THSD7B: variants seen among roughly 807,000 people sequenced by gnomAD.
THSD7B encodes the protein thrombospondin type 1 domain containing 7B.
In THSD7B, 138 loss-of-function variants were observed where a neutral mutation model predicts 213.6. The ratio of observed to expected loss-of-function variants is 0.65; its 90% confidence interval spans 0.56 to 0.74. The LOEUF (loss-of-function observed/expected upper bound fraction) is 0.74. THSD7B is among the 30% of genes least tolerant of loss of function. The pLI is 0.00. For synonymous variants in THSD7B, 742 were observed against 687.0 expected (o/e 1.08, Z -1.25); for missense variants, 1,931 against 1,991.5 (o/e 0.97, Z 0.58).
chr2:137,153,006 A>G (rs1292372273), intron 5 of THSD7B, among the ~76,000 whole-genome samples: 2 of 152,118 alleles, frequency 1.3e-5, no homozygotes, highest in African/African-American at 4.8e-5. Context: ...TGTTCTTTCT[A>G]TCTTCTCCAT....
chr2:136,805,972 T>C (rs538785067), intron 1 of THSD7B, among the ~76,000 whole-genome samples: 1 of 152,332 alleles, frequency 6.6e-6, no homozygotes, highest in East Asian at 1.9e-4. Context: ...ATATTACCTA[T>C]TTAGAATATG....
chr2:137,151,967 C>T (rs1265372651), intron 5 of THSD7B, among the ~76,000 whole-genome samples: 7 of 151,142 alleles, frequency 4.6e-5, no homozygotes, highest in Admixed American at 3.9e-4. Context: ...GACCTTTGCA[C>T]CCGGTTGCCA....
At chr2:137,074,531 C>T (rs1167533482) in intron 3 of THSD7B, among the ~76,000 whole-genome samples, 4 of 152,294 alleles carry the variant, frequency 2.6e-5, no homozygotes, top group Non-Finnish European at 5.9e-5. Flanking sequence ...GGTCTTGACT[C>T]TTTATCCAAT....
At chr2:137,138,235 T>C (rs1679509162) in intron 5 of THSD7B, among the ~76,000 whole-genome samples, 1 of 152,162 alleles carries the variant, frequency 6.6e-6, no homozygotes, top group South Asian at 2.1e-4. Context: ...CTTTCATTTA[T>C]TTTGAGTAAG....
rs773745853 is a variant in THSD7B, at chr2:137,563,318, T to G, written c.3236T>G (p.Leu1079Arg). Residue 1079 changes from leucine (L) to arginine (R), a missense_variant, in exon 16 of 28, where the codon CTG becomes CGG. Coordinates refer to ENST00000409968, the MANE Select transcript of THSD7B (RefSeq NM_001316349.2). ...AAAATCAACAATGAGCTGAGGTCCCTGCGCTGTGGAGGAGGAACACAATCT... is the reference window on the plus strand; with the variant it reads ...AAAATCAACAATGAGCTGAGGTCCCGGCGCTGTGGAGGAGGAACACAATCT... ...SCKINNELRS[L>R]RCGGGTQSRK... 6.2e-7 allele frequency: 1 copy of G among 1,613,406 alleles called. No individual in the cohort carries two copies. The highest frequency in any genetic ancestry group is 1.1e-5 in the South Asian group (1 of 91,038).
At chr2:137,440,410 T>A (rs1180603710) in intron 14 of THSD7B, among the ~76,000 whole-genome samples, 1 of 151,798 alleles carries the variant, frequency 6.6e-6, no homozygotes, top group Non-Finnish European at 1.5e-5. Context: ...CCTGGAGAGG[T>A]AGATCTCTGT....
chr2:136,835,577 C>A (rs916574381), intron 1 of THSD7B, among the ~76,000 whole-genome samples: 7 of 151,976 alleles, frequency 4.6e-5, no homozygotes, highest in African/African-American at 1.7e-4. Context: ...ACTTTTATAC[C>A]CATACTCCCT....
At chr2:137,572,975 T>A (rs1202252457) in intron 17 of THSD7B, among the ~76,000 whole-genome samples, 1 of 152,134 alleles carries the variant, frequency 6.6e-6, no homozygotes. Context: ...CTGTTAGTGA[T>A]GATCTGTTTT....
intron 12 of THSD7B, among the ~76,000 whole-genome samples, chr2:137,359,956 A>G (rs1685216424): frequency 6.6e-6 from 1 of 152,218 alleles, no homozygotes; most frequent in Non-Finnish European, 1.5e-5. Flanking sequence ...TAATACAGAA[A>G]TCTTAATGTG....
rs745739813 is a variant in THSD7B at position 137,657,062 on chromosome 2, C to T, written c.4280-3C>T. 9.3e-6 allele frequency: 15 copies of T among 1,613,782 alleles called. No homozygotes were observed. Among genetic ancestry groups the T allele is most frequent in the Non-Finnish European group, 1.3e-5 (15 of 1,179,840 alleles). On this transcript the variant is annotated splice_polypyrimidine_tract_variant and splice_region_variant and intron_variant, in intron 23 of 27. Coordinates refer to ENST00000409968, the MANE Select transcript of THSD7B (RefSeq NM_001316349.2). The stretch of plus-strand genomic sequence containing the variant: ...GAACTGCTATTATCATATTTACTTA[C>T]AGGAGGCAAATGTTATCACTACACA...
At chr2:137,589,974 G>C (rs2104812222) in intron 17 of THSD7B, among the ~76,000 whole-genome samples, 1 of 152,228 alleles carries the variant, frequency 6.6e-6, no homozygotes, top group Admixed American at 6.5e-5. Flanking sequence ...GCTGCCAGTT[G>C]TGTTTAAAAA....
intron 12 of THSD7B, among the ~76,000 whole-genome samples, chr2:137,364,563 A>C (rs10427287): frequency 6.6e-6 from 1 of 152,348 alleles, no homozygotes; most frequent in South Asian, 2.1e-4. Context: ...ATATAAAATC[A>C]ATGTGCCAAA....
rs1681144546 is a variant in THSD7B, at chr2:137,562,608, G to GTGTA, written c.3139-610_3139-609insATGT. Among the ~76,000 whole-genome samples the GTGTA allele has an allele frequency of 4.0e-5, 6 of 151,624 alleles. No individual in the cohort carries two copies. The South Asian group carries it at 1.3e-3, about 32-fold the overall frequency. The stretch of plus-strand genomic sequence containing the variant: ...AGTATTTCTCTTTGTGTGTGTGTGT[G>GTGTA]TGTGTGTGTGTGTGTGTGTGTGTAT... On this transcript the variant is annotated intron_variant, in intron 15 of 27. Coordinates refer to ENST00000409968, the MANE Select transcript of THSD7B (RefSeq NM_001316349.2).
At chr2:137,302,570 TAAAGA>T (rs780074343) in intron 12 of THSD7B, among the ~76,000 whole-genome samples, 18 of 152,036 alleles carry the variant, frequency 1.2e-4, no homozygotes, top group Non-Finnish European at 2.4e-4. Flanking sequence ...TAATGAAAAG[TAAAGA>T]TCTTGTAAAA....
chr2:137,521,413 A>C (rs902800564), intron 15 of THSD7B, among the ~76,000 whole-genome samples: 1 of 152,098 alleles, frequency 6.6e-6, no homozygotes, highest in Non-Finnish European at 1.5e-5. Flanking sequence ...GAGATCTGTA[A>C]ATAAATTGTA....
At chr2:137,136,445 C>T (rs939587716) in intron 5 of THSD7B, among the ~76,000 whole-genome samples, 2 of 152,094 alleles carry the variant, frequency 1.3e-5, no homozygotes, top group East Asian at 1.9e-4. Context: ...TTCAATCAGG[C>T]CCTCTTATGC....
chr2:136,882,677 A>G (rs1343403458), intron 2 of THSD7B, among the ~76,000 whole-genome samples: 2 of 152,216 alleles, frequency 1.3e-5, no homozygotes, highest in Non-Finnish European at 2.9e-5. Flanking sequence ...CCAGTTCTGC[A>G]TGTCTCTTTC....
intron 15 of THSD7B, among the ~76,000 whole-genome samples, chr2:137,553,833 G>T (rs900860599): frequency 4.6e-5 from 7 of 152,114 alleles, no homozygotes; most frequent in Admixed American, 3.9e-4. Flanking sequence ...CAACTAAACA[G>T]CAACGTAAAA....
chr2:136,872,828 A>AG lies in THSD7B; in HGVS notation c.-35-9316_-35-9315insG, dbSNP rs1419287413. 7.8e-3 allele frequency among the ~76,000 whole-genome samples: 1,155 copies of AG among 147,576 alleles called. 20 individuals are homozygous for AG. Among genetic ancestry groups the AG allele is most frequent in the Middle Eastern group, 0.042 (12 of 288 alleles). On this transcript the variant is annotated intron_variant, in intron 1 of 27. Transcript: ENST00000409968. The stretch of plus-strand genomic sequence containing the variant: ...TACTGAAAATACAAAAAAAAAAAAA[A>AG]AAAAAAAAAAGCCAGGCATGGTGGC...
Sources: gnomAD v4.1 joint callset for allele counts (sites outside exome capture counted in the v4.1 genomes callset) on GRCh38, gnomAD v4.1.1 for gene constraint, MANE v1.5 for transcripts, NCBI Gene and HGNC (gene_info 2026-07-23, HGNC 2026-07-21) for gene names.